MTO1: variants seen among roughly 807,000 people sequenced by gnomAD.
MTO1 encodes the protein mitochondrial tRNA translation optimization 1.
Under a neutral mutation model 71.6 loss-of-function variants are expected in MTO1, and 46 were observed. The ratio of observed to expected loss-of-function variants is 0.64; its 90% confidence interval spans 0.51 to 0.82. The LOEUF is 0.82. MTO1 is among the 40% of genes least tolerant of loss of function. MTO1 has a pLI of 0.00. For missense variants in MTO1, 773 were observed against 867.5 expected (o/e 0.89, Z 1.37); for synonymous variants, 297 against 312.1 (o/e 0.95, Z 0.51).
At chr6:73,469,564 G>A (rs1366743076) in intron 3 of MTO1, among the ~76,000 whole-genome samples, 2 of 152,182 alleles carry the variant, frequency 1.3e-5, no homozygotes, top group African/African-American at 4.8e-5. Flanking sequence ...GGAGGTTGCA[G>A]TGAGCCGAGA....
intron 1 of MTO1, 148 bp from the exon 2 acceptor site, chr6:73,466,061 T>C (rs1428641034): frequency 1.3e-6 from 1 of 783,834 alleles, no homozygotes; most frequent in African/African-American, 1.8e-5. Context: ...ATTGGGTCTT[T>C]GGGATTTTCT....
At position 73,466,270 on chromosome 6, in the gene MTO1, A is replaced by G; in HGVS notation, c.279A>G (p.Val93=). The G allele has an allele frequency of 1.2e-6, 2 of 1,614,122 alleles. No homozygotes were observed. Among genetic ancestry groups the G allele is most frequent in the Middle Eastern group, 1.6e-4 (1 of 6,062 alleles). ...GIGKGHLMRE[V]DALDGLCSRI... ...GAAAGGGACATTTAATGAGGGAAGT[A>G]GATGCCTTGGATGGCCTGTGTTCTC... The change falls in exon 2 of 12, where the codon GTA becomes GTG. Residue 93 remains valine (V), a synonymous_variant. Coordinates refer to ENST00000498286, the MANE Select transcript of MTO1 (RefSeq NM_012123.4).
chr6:73,489,652 A>G (rs1771751755), intron 9 of MTO1, among the ~76,000 whole-genome samples: 1 of 152,078 alleles, frequency 6.6e-6, no homozygotes, highest in Non-Finnish European at 1.5e-5. Context: ...TCCATGGTGT[A>G]TATGTGGCAC....
rs1367881712 is a variant in MTO1, at chr6:73,466,416, T to C, written c.417+8T>C. ...TATAAACAGAACATGCAGGTAAGAA[T>C]AGGGCATGAGCACAGGAAAGATTAT... is the stretch of plus-strand genomic sequence containing the variant. On this transcript the variant is annotated splice_region_variant and intron_variant, in intron 2 of 11. Transcript: ENST00000498286. The C allele has an allele frequency of 6.2e-7, 1 of 1,613,946 alleles. No homozygotes were observed. The highest frequency in any genetic ancestry group is 1.7e-5 in the Admixed American group (1 of 59,990).
At position 73,508,302 on chromosome 6, in the gene MTO1, G is replaced by T. The variant is rs1273689707; in HGVS notation, c.*7567G>T. ...CAACTATTTTTTAGTCCAGTGGCTTGTAATTAAGTCATTTTTAGTCTTTAA... is the reference window on the plus strand; with the variant it reads ...CAACTATTTTTTAGTCCAGTGGCTTTTAATTAAGTCATTTTTAGTCTTTAA... On this transcript the variant is annotated 3_prime_UTR_variant, in exon 12 of 12. Coordinates refer to ENST00000498286, the MANE Select transcript of MTO1 (RefSeq NM_012123.4). The T allele has an allele frequency of 6.6e-6, 1 of 152,122 alleles. No individual in the cohort carries two copies. The highest frequency in any genetic ancestry group is 1.5e-5 in the Non-Finnish European group (1 of 68,024). 9.4% of individuals were successfully genotyped at this position (152,122 alleles called of 1,614,324 possible).
At position 73,477,972 on chromosome 6, in the gene MTO1, G is replaced by A. The variant is rs567391027; in HGVS notation, c.826-1760G>A. On this transcript the variant is annotated intron_variant, in intron 4 of 11. Transcript: ENST00000498286. ...CTCTCGAGTTTTAAAAAAATGTGGC[G>A]TGGCATGGTGGCTCACACCTGTAAT... Among the ~76,000 whole-genome samples, 56 of 152,034 alleles carry A rather than the reference G, an allele frequency of 3.7e-4. No individual in the cohort carries two copies. In the East Asian group the frequency reaches 3.7e-3, roughly 10 times the overall value.
At chr6:73,473,231 A>G (rs1034801533) in intron 3 of MTO1, 134 bp from the exon 4 acceptor site, 24 of 941,144 alleles carry the variant, frequency 2.6e-5, no homozygotes, top group African/African-American at 5.0e-5. Context: ...GTGAGCGGAC[A>G]TTGCACCACT....
chr6:73,481,489 G>A (rs1771490732), intron 7 of MTO1, among the ~76,000 whole-genome samples: 2 of 152,092 alleles, frequency 1.3e-5, no homozygotes, highest in Non-Finnish European at 2.9e-5. Context: ...TTAACCGGCT[G>A]GGCATGGTGC....
At chr6:73,482,392 A>G in intron 8 of MTO1, 57 bp from the exon 9 acceptor site, 1 of 1,566,982 alleles carries the variant, frequency 6.4e-7, no homozygotes, top group Middle Eastern at 2.1e-4. Context: ...TGTCTCTACA[A>G]AAAAATTTGC....
intron 3 of MTO1, among the ~76,000 whole-genome samples, 193 bp from the exon 4 acceptor site, chr6:73,473,172 G>A (rs1469403339): frequency 6.6e-6 from 1 of 152,090 alleles, no homozygotes; most frequent in African/African-American, 2.4e-5. Context: ...TCAGCTACTC[G>A]GGAGGCTGAG....
chr6:73,477,568 G>A (rs575874260), intron 4 of MTO1, among the ~76,000 whole-genome samples: 1 of 149,064 alleles, frequency 6.7e-6, no homozygotes, highest in African/African-American at 2.5e-5. Flanking sequence ...GTGCAGTGGT[G>A]CAATCTCAGC....
chr6:73,466,355 G>C lies in MTO1; in HGVS notation c.364G>C (p.Val122Leu). The C allele has an allele frequency of 1.2e-6, 2 of 1,614,178 alleles. No individual in the cohort carries two copies. Among genetic ancestry groups the C allele is most frequent in the Non-Finnish European group, 1.7e-6 (2 of 1,180,040 alleles). ...ATTAAACCGGCGTAAGGGACCAGCT[G>C]TGTGGGGTCTGAGAGCTCAGATTGA... ...KVLNRRKGPA[V>L]WGLRAQIDRK... is the part of the protein sequence containing the mutation. Residue 122 changes from valine (V) to leucine (L), a missense_variant, in exon 2 of 12, where the codon GTG (valine) becomes CTG (leucine). Coordinates refer to ENST00000498286, the MANE Select transcript of MTO1 (RefSeq NM_012123.4).
intron 9 of MTO1, among the ~76,000 whole-genome samples, chr6:73,485,408 A>G (rs915430976): frequency 6.6e-6 from 1 of 150,830 alleles, no homozygotes; most frequent in East Asian, 1.9e-4. Context: ...ATTTGAGAAT[A>G]TTTGCAGTCT....
chr6:73,492,379 A>G (rs1771837975), intron 10 of MTO1, 27 bp downstream of exon 10: 4 of 1,430,836 alleles, frequency 2.8e-6, no homozygotes, highest in African/African-American at 1.4e-5. Flanking sequence ...GACTTAACAT[A>G]CCTTTATCAT....
intron 11 of MTO1, among the ~76,000 whole-genome samples, chr6:73,499,659 T>G (rs1185151076): frequency 6.6e-6 from 1 of 152,196 alleles, no homozygotes; most frequent in East Asian, 1.9e-4. Context: ...AGTGCACATG[T>G]TATAGAAGAT....
At position 73,482,571 on chromosome 6, in the gene MTO1, AAATT is replaced by A. The variant is rs1771536615; in HGVS notation, c.1592_1595del (p.Leu531SerfsTer6). ...TGAGTTTTTGAGCTCTAAATGGAAA[AAATT>A]AATCCCAGAGGCTTCTATAAGTACT... On this transcript the variant is annotated frameshift_variant, in exon 9 of 12. Coordinates refer to ENST00000498286, the MANE Select transcript of MTO1 (RefSeq NM_012123.4). LOFTEE classifies it high-confidence loss of function. 6.2e-7 allele frequency: 1 copy of A among 1,611,904 alleles called. No homozygotes were observed. Among genetic ancestry groups the A allele is most frequent in the Non-Finnish European group, 8.5e-7 (1 of 1,179,850 alleles).
intron 9 of MTO1, among the ~76,000 whole-genome samples, chr6:73,490,877 G>A (rs1190034080): frequency 6.6e-6 from 1 of 152,108 alleles, no homozygotes; most frequent in African/African-American, 2.4e-5. Flanking sequence ...TGGGGGCTTT[G>A]TAATATCAAG....
At chr6:73,462,124 C>A (rs1194542942) in intron 1 of MTO1, 53 bp downstream of exon 1, 12 of 1,569,454 alleles carry the variant, frequency 7.6e-6, no homozygotes, top group Admixed American at 3.4e-5. Context: ...CTGCTTCCTT[C>A]CCGCCTCCCC....
intron 3 of MTO1, among the ~76,000 whole-genome samples, chr6:73,468,235 A>C (rs1771055525): frequency 6.6e-6 from 1 of 151,970 alleles, no homozygotes; most frequent in African/African-American, 2.4e-5. Context: ...CTCCTGCCTC[A>C]GCCTCCCAAG....
Sources: allele counts gnomAD v4.1 joint callset (sites outside exome capture counted in the v4.1 genomes callset), GRCh38; gene constraint gnomAD v4.1.1; transcripts MANE v1.5; gene names NCBI Gene and HGNC (gene_info 2026-07-23, HGNC 2026-07-21).